NOL4: variants seen among roughly 807,000 people sequenced by gnomAD.
NOL4 encodes the protein nucleolar protein 4.
In NOL4, 17 loss-of-function variants were observed where a neutral mutation model predicts 75.9. The observed-to-expected ratio is 0.22, with a 90% CI of 0.15 to 0.34. The LOEUF is 0.34. Among genes scored for constraint, NOL4 ranks in the 10% least tolerant of loss-of-function variants. The pLI is 1.00. For missense variants in NOL4, 614 were observed against 793.5 expected, an observed-to-expected ratio of 0.77 and a Z score of 2.72; for synonymous variants, 292 against 289.9, an observed-to-expected ratio of 1.01 and a Z score of -0.07.
intron 1 of NOL4, among the ~76,000 whole-genome samples, chr18:34,205,581 C>T (rs142979531): frequency 4.0e-4 from 61 of 152,128 alleles, no homozygotes; most frequent in Admixed American, 3.3e-4. Context: ...CTTGGGATGT[C>T]GCAGCAAGAA....
At chr18:33,933,910 G>C (rs1289854978) in intron 9 of NOL4, among the ~76,000 whole-genome samples, 1 of 152,032 alleles carries the variant, frequency 6.6e-6, no homozygotes, top group East Asian at 1.9e-4. Context: ...CTTTTCAAAA[G>C]GTTTTCAATT....
chr18:33,930,677 CA>C (rs2067627961), intron 9 of NOL4, among the ~76,000 whole-genome samples: 2 of 152,130 alleles, frequency 1.3e-5, no homozygotes, highest in African/African-American at 4.8e-5. Context: ...TAAAAGCACA[CA>C]TTTTTTAGGA....
chr18:33,940,936 T>C (rs2145548591), intron 9 of NOL4, among the ~76,000 whole-genome samples: 1 of 152,002 alleles, frequency 6.6e-6, no homozygotes, highest in East Asian at 1.9e-4. Flanking sequence ...TTAGAAGTTT[T>C]TCTTCAGTGG....
chr18:34,200,818 A>G (rs969507300), intron 1 of NOL4, among the ~76,000 whole-genome samples: 2 of 151,818 alleles, frequency 1.3e-5, no homozygotes, highest in African/African-American at 4.8e-5. Flanking sequence ...AAAACATTCA[A>G]TGGAAGAGTT....
chr18:33,930,733 T>C (rs2067632901), intron 9 of NOL4, among the ~76,000 whole-genome samples: 1 of 152,178 alleles, frequency 6.6e-6, no homozygotes, highest in Non-Finnish European at 1.5e-5. Flanking sequence ...CAGCAAAATA[T>C]TGGATTTTGT....
intron 9 of NOL4, among the ~76,000 whole-genome samples, chr18:33,931,782 T>C (rs1320949448): frequency 6.6e-6 from 1 of 151,994 alleles, no homozygotes; most frequent in African/African-American, 2.4e-5. Flanking sequence ...TTTGCAGATA[T>C]CAGTTAAAAG....
At chr18:34,212,178 C>T (rs1295428712) in intron 1 of NOL4, among the ~76,000 whole-genome samples, 2 of 151,908 alleles carry the variant, frequency 1.3e-5, no homozygotes, top group Non-Finnish European at 2.9e-5. Flanking sequence ...AAATAATGAT[C>T]AAAAATAAAA....
chr18:33,928,045 G>A (rs1358267745), intron 9 of NOL4, among the ~76,000 whole-genome samples: 2 of 152,164 alleles, frequency 1.3e-5, no homozygotes, highest in African/African-American at 4.8e-5. Flanking sequence ...TGAGGAGAAA[G>A]GACAGGGCAA....
At chr18:33,926,334 T>C (rs1359697892) in intron 9 of NOL4, among the ~76,000 whole-genome samples, 2 of 106,432 alleles carry the variant, frequency 1.9e-5, no homozygotes, top group Admixed American at 3.0e-4. Flanking sequence ...CCCTCCAAAA[T>C]GGCGACAGAG....
chr18:34,064,834 T>G (rs746870122), intron 5 of NOL4, among the ~76,000 whole-genome samples: 17 of 151,688 alleles, frequency 1.1e-4, no homozygotes, highest in Non-Finnish European at 2.2e-4. Context: ...TGTTCTATAT[T>G]TTCTATCTAA....
intron 8 of NOL4, among the ~76,000 whole-genome samples, chr18:33,944,236 C>A (rs890548410): frequency 6.6e-6 from 1 of 151,750 alleles, no homozygotes; most frequent in Non-Finnish European, 1.5e-5. Flanking sequence ...CTAATTGAGA[C>A]CTTTTGAATT....
At chr18:33,937,473 T>A (rs76848478) in intron 9 of NOL4, among the ~76,000 whole-genome samples, 3,924 of 152,222 alleles carry the variant, frequency 0.026, 63 homozygotes, top group Non-Finnish European at 0.028. Context: ...AAAGCCAATT[T>A]TGAGTGTTCA....
intron 6 of NOL4, among the ~76,000 whole-genome samples, chr18:34,000,828 C>T (rs1406222145): frequency 6.6e-6 from 1 of 152,018 alleles, no homozygotes; most frequent in African/African-American, 2.4e-5. Context: ...ACATAAAATG[C>T]TAATTTCTAT....
At chr18:34,015,987 C>T (rs1363052629) in intron 6 of NOL4, among the ~76,000 whole-genome samples, 1 of 151,990 alleles carries the variant, frequency 6.6e-6, no homozygotes, top group Admixed American at 6.6e-5. Context: ...AGGTGTAAGG[C>T]ATACTGCAGT....
intron 6 of NOL4, among the ~76,000 whole-genome samples, chr18:33,967,494 C>T (rs927276355): frequency 6.6e-6 from 1 of 152,168 alleles, no homozygotes; most frequent in African/African-American, 2.4e-5. Context: ...TAAAGAGCTT[C>T]TGCACGGCAA....
chr18:34,115,799 G>T (rs1005180279), intron 2 of NOL4, among the ~76,000 whole-genome samples: 1 of 152,040 alleles, frequency 6.6e-6, no homozygotes, highest in Non-Finnish European at 1.5e-5. Flanking sequence ...CTCACCCTTG[G>T]TGTGTCCACG....
chr18:33,987,242 G>C (rs950944761), intron 6 of NOL4, among the ~76,000 whole-genome samples: 8 of 152,060 alleles, frequency 5.3e-5, no homozygotes, highest in Non-Finnish European at 1.0e-4. Context: ...TGCTTTGGGG[G>C]ATAGGGGCTG....
intron 10 of NOL4, among the ~76,000 whole-genome samples, chr18:33,872,114 T>C (rs2063728849): frequency 2.0e-5 from 3 of 152,184 alleles, no homozygotes; most frequent in African/African-American, 7.2e-5. Context: ...TATAGGTCAT[T>C]ATCATACTAT....
At chr18:33,880,576 G>A (rs912674430) in intron 10 of NOL4, among the ~76,000 whole-genome samples, 3 of 151,924 alleles carry the variant, frequency 2.0e-5, no homozygotes, top group African/African-American at 7.2e-5. Flanking sequence ...ACTGCTGACC[G>A]AGCATGCCAT....
Sources: gnomAD v4.1 joint callset for allele counts (sites outside exome capture counted in the v4.1 genomes callset) on GRCh38, gnomAD v4.1.1 for gene constraint, MANE v1.5 for transcripts, NCBI Gene and HGNC (gene_info 2026-07-23, HGNC 2026-07-21) for gene names.